Variants in ADGRL3 observed in about 807,000 individuals in gnomAD.
ADGRL3 encodes the protein calcium-independent alpha-latrotoxin receptor 3.
In ADGRL3, 62 loss-of-function variants were observed where a neutral mutation model predicts 153.5. That is an observed-to-expected ratio of 0.40 (90% confidence interval 0.33 to 0.50). ADGRL3 has a LOEUF of 0.50. ADGRL3 is among the 20% of genes least tolerant of loss of function. The pLI is 0.47. For missense variants in ADGRL3, 1,641 were observed against 1,859.4 expected, an observed-to-expected ratio of 0.88 and a Z score of 2.16; for synonymous variants, 710 against 672.5, an observed-to-expected ratio of 1.06 and a Z score of -0.86.
intron 1 of ADGRL3, among the ~76,000 whole-genome samples, chr4:61,255,596 T>G (rs926144036): frequency 2.0e-5 from 3 of 152,196 alleles, no homozygotes; most frequent in African/African-American, 4.8e-5. Flanking sequence ...GAAAATCTAT[T>G]AAATGCATTT....
At chr4:61,713,319 T>C (rs1047671226) in intron 6 of ADGRL3, among the ~76,000 whole-genome samples, 1 of 152,036 alleles carries the variant, frequency 6.6e-6, no homozygotes, top group African/African-American at 2.4e-5. Flanking sequence ...ATCTAGAAAT[T>C]AGTTCTTATT....
chr4:61,247,205 T>C (rs1757441981), intron 1 of ADGRL3, among the ~76,000 whole-genome samples: 1 of 152,064 alleles, frequency 6.6e-6, no homozygotes, highest in Admixed American at 6.6e-5. Flanking sequence ...TGAGTTCTCA[T>C]AAAGTTTCAG....
Position 62,002,843 on chromosome 4 carries a change from A to G in ADGRL3, c.3395+4578A>G, listed in dbSNP as rs541122976. ...AACTCTAACCTAATTTAAAAATAGT[A>G]TATGTAAATATGAATAAACCTGTTA... On this transcript the variant is annotated intron_variant, in intron 21 of 26. Transcript: ENST00000683033. Among the ~76,000 whole-genome samples the G allele has an allele frequency of 6.4e-4, 98 of 152,232 alleles. 1 individual carries two copies. The highest frequency in any genetic ancestry group is 7.9e-4 in the Non-Finnish European group (54 of 68,016).
rs997522005 is a variant in ADGRL3, at chr4:61,206,614, T to G, written c.-240+4849T>G. 2.6e-5 allele frequency among the ~76,000 whole-genome samples: 4 copies of G among 152,354 alleles called. No individual in the cohort carries two copies. The East Asian group carries it at 7.7e-4, about 29-fold the overall frequency. On this transcript the variant is annotated intron_variant, in intron 1 of 26. Coordinates refer to ENST00000683033, the MANE Select transcript of ADGRL3 (RefSeq NM_001387552.1). ...TGATGGCATATGTCATATGTTCTTA[T>G]GTATTCTCAAGTTTTAGAATTTTCC...
chr4:61,880,382 G>A (rs1443397881), intron 9 of ADGRL3, among the ~76,000 whole-genome samples: 2 of 152,056 alleles, frequency 1.3e-5, no homozygotes, highest in Non-Finnish European at 2.9e-5. Flanking sequence ...CTAAAAATAT[G>A]CAAGTTAAAA....
intron 2 of ADGRL3, among the ~76,000 whole-genome samples, chr4:61,386,253 T>C (rs1167204749): frequency 1.3e-5 from 2 of 152,152 alleles, no homozygotes; most frequent in Non-Finnish European, 2.9e-5. Context: ...TTTCCCCTAA[T>C]TCTATTATAG....
At chr4:61,255,168 A>G (rs1435337855) in intron 1 of ADGRL3, among the ~76,000 whole-genome samples, 1 of 152,172 alleles carries the variant, frequency 6.6e-6, no homozygotes, top group Admixed American at 6.5e-5. Flanking sequence ...GTTGGTTGAT[A>G]TCCCGTTGTT....
intron 17 of ADGRL3, among the ~76,000 whole-genome samples, chr4:61,958,377 G>GTTCCTTTC (rs1553894040): frequency 1.4e-5 from 2 of 148,054 alleles, no homozygotes; most frequent in Non-Finnish European, 3.0e-5. Flanking sequence ...TGTTGTAAAG[G>GTTCCTTTC]TTTCTTTCTT....
At chr4:61,980,237 A>G (rs9884139) in intron 18 of ADGRL3, among the ~76,000 whole-genome samples, 1 of 145,788 alleles carries the variant, frequency 6.9e-6, no homozygotes, top group Non-Finnish European at 1.5e-5. Flanking sequence ...TAATTTTTTC[A>G]CTGCCTTGAA....
intron 4 of ADGRL3, among the ~76,000 whole-genome samples, chr4:61,531,533 G>A (rs2098615352): frequency 6.6e-6 from 1 of 152,132 alleles, no homozygotes; most frequent in African/African-American, 2.4e-5. Flanking sequence ...TATTATTATA[G>A]CATTTCATTT....
chr4:61,231,180 A>G (rs1750485046), intron 1 of ADGRL3, among the ~76,000 whole-genome samples: 1 of 152,226 alleles, frequency 6.6e-6, no homozygotes, highest in Admixed American at 6.5e-5. Context: ...CAAAAATGTC[A>G]GTTGATTGTA....
chr4:61,525,128 T>A (rs2098552004), intron 4 of ADGRL3, among the ~76,000 whole-genome samples: 1 of 118,528 alleles, frequency 8.4e-6, no homozygotes, highest in Non-Finnish European at 1.7e-5. Flanking sequence ...ACGGTGTCAG[T>A]TAAATGCTGT....
At chr4:61,618,672 C>T (rs1374619690) in intron 5 of ADGRL3, among the ~76,000 whole-genome samples, 1 of 152,036 alleles carries the variant, frequency 6.6e-6, no homozygotes, top group African/African-American at 2.4e-5. Flanking sequence ...AAGAGCAAGG[C>T]CAAATGTGCA....
chr4:61,221,748 T>A (rs1252784289), intron 1 of ADGRL3, among the ~76,000 whole-genome samples: 6 of 152,140 alleles, frequency 3.9e-5, no homozygotes, highest in African/African-American at 1.4e-4. Context: ...TTAAACATAT[T>A]CAAAAAACTT....
intron 21 of ADGRL3, among the ~76,000 whole-genome samples, chr4:62,009,034 G>A (rs1427392532): frequency 6.6e-6 from 1 of 152,138 alleles, no homozygotes; most frequent in Non-Finnish European, 1.5e-5. Flanking sequence ...TAGATGTGTA[G>A]TAGGCTAAAC....
chr4:61,845,734 GT>G (rs1243993922), intron 9 of ADGRL3, among the ~76,000 whole-genome samples: 2 of 151,908 alleles, frequency 1.3e-5, no homozygotes, highest in African/African-American at 4.8e-5. Context: ...AATTTGCTCA[GT>G]GGTATTATTA....
intron 2 of ADGRL3, among the ~76,000 whole-genome samples, chr4:61,453,755 G>A (rs992707381): frequency 5.3e-5 from 8 of 152,042 alleles, no homozygotes; most frequent in Non-Finnish European, 1.0e-4. Context: ...CCATCAATCT[G>A]TAATTATAAT....
intron 19 of ADGRL3, among the ~76,000 whole-genome samples, chr4:61,985,849 T>A (rs1473190170): frequency 6.6e-6 from 1 of 151,404 alleles, no homozygotes; most frequent in Admixed American, 6.6e-5. Flanking sequence ...TGAATTGTAA[T>A]CAAGTCTGTG....
At chr4:61,203,947 G>C (rs973775460) in intron 1 of ADGRL3, among the ~76,000 whole-genome samples, 4 of 150,852 alleles carry the variant, frequency 2.7e-5, no homozygotes, top group African/African-American at 9.7e-5. Context: ...CAAGGGTAAA[G>C]ACTGTACATA....
Sources: allele counts gnomAD v4.1 joint callset (sites outside exome capture counted in the v4.1 genomes callset), GRCh38; gene constraint gnomAD v4.1.1; transcripts MANE v1.5; gene names NCBI Gene and HGNC (gene_info 2026-07-23, HGNC 2026-07-21).